WASHC2C: variants seen among roughly 807,000 people sequenced by gnomAD.
WASHC2C encodes Vaccinia Penetration Factor.
In WASHC2C, 73 loss-of-function variants were observed where a neutral mutation model predicts 142.2. That is an observed-to-expected ratio of 0.51 (90% CI 0.43 to 0.62). The LOEUF is 0.62. WASHC2C is among the 20% of genes least tolerant of loss of function. The pLI is 0.00. For missense variants in WASHC2C, 969 were observed against 1,531.7 expected, an observed-to-expected ratio of 0.63 and a Z score of 6.13; for synonymous variants, 337 against 565.5, an observed-to-expected ratio of 0.60 and a Z score of 5.73.
intron 19 of WASHC2C, among the ~76,000 whole-genome samples, chr10:45,766,246 A>C (rs1238211827): frequency 6.6e-6 from 1 of 152,304 alleles, no homozygotes; most frequent in African/African-American, 2.4e-5. Flanking sequence ...ATGCAGTCTG[A>C]TGAAGAAGCG....
intron 23 of WASHC2C, among the ~76,000 whole-genome samples, chr10:45,779,744 T>C (rs1589902785): frequency 6.6e-6 from 1 of 152,060 alleles, no homozygotes; most frequent in Non-Finnish European, 1.5e-5. Flanking sequence ...CCCAGCACTT[T>C]AGGAGGCCAA....
chr10:45,769,362 C>T, intron 19 of WASHC2C, 87 bp from the exon 20 acceptor site: 1 of 1,454,348 alleles, frequency 6.9e-7, no homozygotes, highest in South Asian at 1.2e-5. Context: ...TCGTGATTCA[C>T]CCGCCTCGGC....
intron 7 of WASHC2C, among the ~76,000 whole-genome samples, chr10:45,745,617 C>T (rs1437885676): frequency 6.6e-6 from 1 of 151,258 alleles, no homozygotes; most frequent in Non-Finnish European, 1.5e-5. Flanking sequence ...ATGAGCTTTT[C>T]TTAAGTAACT....
chr10:45,786,355 C>T, intron 26 of WASHC2C: 1 of 587,584 alleles, frequency 1.7e-6, no homozygotes, highest in Non-Finnish European at 3.0e-6. Flanking sequence ...AACTGTGACT[C>T]TTGGGAATCT....
intron 2 of WASHC2C, among the ~76,000 whole-genome samples, chr10:45,728,314 C>T (rs182623469): frequency 6.6e-6 from 1 of 152,266 alleles, no homozygotes; most frequent in East Asian, 1.9e-4. Flanking sequence ...CAAGCGTGAG[C>T]CACCATACCC....
At chr10:45,734,247 A>G (rs2050942889) in intron 3 of WASHC2C, among the ~76,000 whole-genome samples, 1 of 151,848 alleles carries the variant, frequency 6.6e-6, no homozygotes, top group African/African-American at 2.4e-5. Flanking sequence ...ATAAATAAAT[A>G]AATAAATAAT....
intron 23 of WASHC2C, among the ~76,000 whole-genome samples, chr10:45,779,482 A>G (rs868919556): frequency 0.035 from 5,380 of 151,872 alleles, 1 homozygote; most frequent in African/African-American, 0.12. Flanking sequence ...CATTCAGTTT[A>G]AGAAAAAGTG....
At chr10:45,788,351 G>A (rs2135793499) in intron 28 of WASHC2C, among the ~76,000 whole-genome samples, 1 of 152,340 alleles carries the variant, frequency 6.6e-6, no homozygotes, top group South Asian at 2.1e-4. Flanking sequence ...TGAATTCAAT[G>A]TTTATTGACT....
intron 11 of WASHC2C, among the ~76,000 whole-genome samples, 165 bp downstream of exon 11, chr10:45,751,718 A>C (rs2053611355): frequency 2.0e-5 from 3 of 152,182 alleles, no homozygotes; most frequent in Non-Finnish European, 2.9e-5. Context: ...TGGCTCACAC[A>C]TGTAATCCCA....
At chr10:45,784,271 T>TAC (rs1404738585) in intron 23 of WASHC2C, among the ~76,000 whole-genome samples, 1 of 8,724 alleles carries the variant, frequency 1.1e-4, no homozygotes, top group Non-Finnish European at 3.5e-4. Flanking sequence ...TATATATATA[T>TAC]ATATATATAT....
At chr10:45,727,065 T>G, upstream of WASHC2C, 1 of 1,238,778 alleles carries the variant, frequency 8.1e-7, no homozygotes, top group Non-Finnish European at 1.1e-6. Context: ...GCAGCGTTCC[T>G]GGCGTCAGCC....
chr10:45,727,676 C>A (rs2050033807), intron 2 of WASHC2C, 137 bp downstream of exon 2: 11 of 1,276,840 alleles, frequency 8.6e-6, no homozygotes, highest in South Asian at 1.6e-5. Flanking sequence ...CCCGTTTAGC[C>A]CCCGAGAATG....
At chr10:45,787,278 C>G in intron 28 of WASHC2C, 31 bp downstream of exon 28, 1 of 991,468 alleles carries the variant, frequency 1.0e-6, no homozygotes, top group Non-Finnish European at 1.6e-6. Context: ...TCCTTGCTCT[C>G]TTCTTTTAAC....
chr10:45,784,279 TATATATATATAC>T (rs1564820082), intron 23 of WASHC2C, among the ~76,000 whole-genome samples: 1 of 7,554 alleles, frequency 1.3e-4, no homozygotes, highest in African/African-American at 2.4e-4. Flanking sequence ...TATATATATA[TATATATATATAC>T]ACATATATAT....
chr10:45,775,908 C>T (rs2057036779), intron 21 of WASHC2C, among the ~76,000 whole-genome samples: 1 of 151,894 alleles, frequency 6.6e-6, no homozygotes, highest in South Asian at 2.1e-4. Context: ...TCTCGATCTC[C>T]TGATCTCATG....
At chr10:45,737,823 C>T (rs1423841397) in intron 3 of WASHC2C, among the ~76,000 whole-genome samples, 160 bp from the exon 4 acceptor site, 9 of 148,598 alleles carry the variant, frequency 6.1e-5, no homozygotes, top group Non-Finnish European at 1.2e-4. Flanking sequence ...TAGTCCATGA[C>T]CCACTGTTAC....
intron 4 of WASHC2C, among the ~76,000 whole-genome samples, chr10:45,739,349 ATATTTG>A (rs2051690905): frequency 6.7e-6 from 1 of 149,946 alleles, no homozygotes; most frequent in Admixed American, 6.7e-5. Flanking sequence ...TCCTTCTAGA[ATATTTG>A]TAGAGGGGGA....
intron 19 of WASHC2C, 135 bp downstream of exon 19, chr10:45,765,945 T>C: frequency 7.1e-7 from 1 of 1,409,044 alleles, no homozygotes; most frequent in Non-Finnish European, 9.6e-7. Flanking sequence ...CAAGATTGTC[T>C]TTTCTGAAGG....
intron 3 of WASHC2C, among the ~76,000 whole-genome samples, chr10:45,737,199 G>C (rs1165960734): frequency 1.5e-5 from 2 of 134,580 alleles, no homozygotes; most frequent in Non-Finnish European, 3.1e-5. Flanking sequence ...GGCTGATCTT[G>C]AACTCCTGAG....
Sources: allele counts gnomAD v4.1 joint callset (sites outside exome capture counted in the v4.1 genomes callset), GRCh38; gene constraint gnomAD v4.1.1; transcripts MANE v1.5; gene names NCBI Gene and HGNC (gene_info 2026-07-23, HGNC 2026-07-21).